Variants in TVP23C observed in about 807,000 individuals in gnomAD.
TVP23C encodes the protein Golgi apparatus membrane protein TVP23 homolog C.
Under a neutral mutation model 28.7 loss-of-function variants are expected in TVP23C, and 19 were observed. The ratio of observed to expected loss-of-function variants is 0.66; its 90% CI spans 0.46 to 0.97. TVP23C has a LOEUF of 0.97. TVP23C is among the 50% of genes least tolerant of loss of function. The pLI is 0.00. For synonymous variants in TVP23C, 68 were observed against 81.7 expected, an observed-to-expected ratio of 0.83 and a Z score of 0.90; for missense variants, 186 against 241.3, an observed-to-expected ratio of 0.77 and a Z score of 1.52.
At chr17:15,503,016 G>A (rs754147987) in exon 6 of TVP23C, 1 of 1,614,160 alleles carries the variant, frequency 6.2e-7, no homozygotes, top group East Asian at 2.2e-5. Context: ...GGAGCCGCAC[G>A]AAGAGGTGGA....
intron 5 of TVP23C, among the ~76,000 whole-genome samples, chr17:15,527,133 T>A (rs1183978334): frequency 6.6e-6 from 1 of 152,154 alleles, no homozygotes; most frequent in African/African-American, 2.4e-5. Context: ...GCCTGCCTGA[T>A]AAGGAAGTCC....
At chr17:15,549,589 G>A (rs1983799628) in intron 3 of TVP23C, among the ~76,000 whole-genome samples, 1 of 151,736 alleles carries the variant, frequency 6.6e-6, no homozygotes, top group Non-Finnish European at 1.5e-5. Flanking sequence ...TGAGGCAGGA[G>A]AATCACTTGA....
chr17:15,561,689 T>C (rs566947643), intron 1 of TVP23C, among the ~76,000 whole-genome samples: 1 of 152,372 alleles, frequency 6.6e-6, no homozygotes, highest in East Asian at 1.9e-4. Flanking sequence ...AACATGGTTG[T>C]GTTTCTCCAG....
chr17:15,513,930 A>C (rs533350442), intron 5 of TVP23C, among the ~76,000 whole-genome samples: 1 of 152,250 alleles, frequency 6.6e-6, no homozygotes, highest in Non-Finnish European at 1.5e-5. Flanking sequence ...AGTGCTTTCC[A>C]TGATTTTCTC....
At chr17:15,503,540 GT>G (rs1377284125) in intron 5 of TVP23C, 1 of 206,322 alleles carries the variant, frequency 4.8e-6, no homozygotes, top group Non-Finnish European at 9.5e-6. Context: ...GCCTTATTAT[GT>G]TCTATTTCAA....
intron 5 of TVP23C, among the ~76,000 whole-genome samples, chr17:15,526,111 A>G (rs57993987): frequency 0.021 from 3,232 of 152,236 alleles, 100 homozygotes; most frequent in African/African-American, 0.074. Context: ...ATTACACTTC[A>G]GTTATCAGCT....
At chr17:15,504,648 A>T (rs1184034534) in intron 5 of TVP23C, among the ~76,000 whole-genome samples, 1 of 152,052 alleles carries the variant, frequency 6.6e-6, no homozygotes, top group Non-Finnish European at 1.5e-5. Context: ...CTGAAGCCAC[A>T]ACTTCCTGGG....
chr17:15,503,639 TCA>T (rs1981591880), intron 5 of TVP23C: 1 of 155,016 alleles, frequency 6.5e-6, no homozygotes, highest in African/African-American at 2.4e-5. Flanking sequence ...ATTTTTGCAT[TCA>T]GTTTTGTGTT....
intron 5 of TVP23C, among the ~76,000 whole-genome samples, chr17:15,520,635 T>C (rs759475917): frequency 2.1e-4 from 32 of 152,004 alleles, no homozygotes; most frequent in Admixed American, 3.9e-4. Flanking sequence ...TATCACATTA[T>C]GGCTGAAAGT....
At chr17:15,526,697 T>C (rs1046747473) in intron 5 of TVP23C, among the ~76,000 whole-genome samples, 2 of 152,148 alleles carry the variant, frequency 1.3e-5, no homozygotes, top group East Asian at 3.9e-4. Context: ...ATTTACATCA[T>C]ATGTTAGTAT....
At chr17:15,521,750 T>C (rs1015120893) in intron 5 of TVP23C, among the ~76,000 whole-genome samples, 1 of 152,218 alleles carries the variant, frequency 6.6e-6, no homozygotes, top group Non-Finnish European at 1.5e-5. Context: ...TGCTGCAATT[T>C]TGCTGTGCAG....
rs1983255244 is a variant in TVP23C, at chr17:15,538,465, C to G, written c.*1947G>C. 1.4e-6 allele frequency: 1 copy of G among 692,258 alleles called. No homozygotes were observed. The highest frequency in any genetic ancestry group is 1.9e-5 in the African/African-American group (1 of 51,378). 42.9% of individuals were successfully genotyped at this position (692,258 alleles called of 1,614,324 possible). A position where few individuals can be genotyped will look rare whatever the true frequency, so the allele number is the denominator to read the frequency against. On this transcript the variant is annotated 3_prime_UTR_variant, in exon 6 of 6. Coordinates refer to ENST00000518321, the MANE Select transcript of TVP23C (RefSeq NM_001135036.2). The stretch of plus-strand genomic sequence containing the variant: ...ATTAGCCAGGCGTGGTGGCGGGCGC[C>G]TGCAATCCCAGCTACTCGGGAGGCT...
chr17:15,525,832 C>A (rs1468979803), intron 5 of TVP23C, among the ~76,000 whole-genome samples: 1 of 152,168 alleles, frequency 6.6e-6, no homozygotes, highest in Non-Finnish European at 1.5e-5. Context: ...CAGATAGGAA[C>A]CTTGGATCCA....
At chr17:15,536,916 C>T, downstream of TVP23C, 4 of 220,894 alleles carry the variant, frequency 1.8e-5, no homozygotes, top group Non-Finnish European at 3.0e-5. Flanking sequence ...ACCTGAAGTT[C>T]AGTTATATCA....
intron 3 of TVP23C, among the ~76,000 whole-genome samples, chr17:15,550,000 T>C (rs997584744): frequency 6.6e-6 from 1 of 152,142 alleles, no homozygotes; most frequent in African/African-American, 2.4e-5. Context: ...GCTCTCAGAA[T>C]ACTTTCAAAC....
chr17:15,531,678 G>A (rs1007450208), intron 5 of TVP23C, among the ~76,000 whole-genome samples: 52 of 151,808 alleles, frequency 3.4e-4, no homozygotes, highest in African/African-American at 9.2e-4. Flanking sequence ...CTTTGTCCAC[G>A]GTTTACTTTA....
At chr17:15,507,069 A>G (rs1981783338) in intron 5 of TVP23C, 2 of 1,203,036 alleles carry the variant, frequency 1.7e-6, no homozygotes, top group Non-Finnish European at 2.4e-6. Context: ...GTGACTTCAC[A>G]TGCCATAATG....
intron 3 of TVP23C, among the ~76,000 whole-genome samples, chr17:15,552,340 C>T (rs1319650348): frequency 6.6e-6 from 1 of 152,190 alleles, no homozygotes; most frequent in Non-Finnish European, 1.5e-5. Context: ...CATTATGCGG[C>T]CTACGGAAAC....
At chr17:15,559,313 TAA>T (rs56346847) in intron 1 of TVP23C, among the ~76,000 whole-genome samples, 55 of 105,156 alleles carry the variant, frequency 5.2e-4, no homozygotes, top group African/African-American at 1.0e-3. Context: ...GGTACAGATT[TAA>T]AAAAAAAAAA....
Sources: allele counts gnomAD v4.1 joint callset (sites outside exome capture counted in the v4.1 genomes callset), GRCh38; gene constraint gnomAD v4.1.1; transcripts MANE v1.5; gene names NCBI Gene and HGNC (gene_info 2026-07-23, HGNC 2026-07-21).